Variants in TRPC7 observed in about 807,000 individuals in gnomAD.
TRPC7 encodes transient receptor potential cation channel subfamily C member 7.
In TRPC7, 42 loss-of-function variants were observed where a neutral mutation model predicts 90.1. The ratio of observed to expected loss-of-function variants is 0.47; its 90% CI spans 0.36 to 0.60. The LOEUF is 0.60. Ranked by LOEUF, TRPC7 falls within the 20% of genes least tolerant of loss-of-function variation. The pLI, the probability that TRPC7 is intolerant of heterozygous loss-of-function variation, is 0.00. For synonymous variants in TRPC7, 451 were observed against 436.3 expected (o/e 1.03, Z -0.42); for missense variants, 955 against 1,112.3 (o/e 0.86, Z 2.01).
intron 1 of TRPC7, 79 bp from the exon 2 acceptor site, chr5:136,357,464 C>T: frequency 1.5e-6 from 2 of 1,369,306 alleles, no homozygotes; most frequent in East Asian, 2.3e-5. Flanking sequence ...GGTTGAGATA[C>T]ACAAAGAATA....
intron 3 of TRPC7, among the ~76,000 whole-genome samples, chr5:136,300,504 G>A (rs1225580356): frequency 6.6e-6 from 1 of 152,190 alleles, no homozygotes; most frequent in African/African-American, 2.4e-5. Context: ...GGCTTATGGT[G>A]GTAATTTTAG....
At chr5:136,236,562 A>G (rs1438752583) in intron 7 of TRPC7, among the ~76,000 whole-genome samples, 1 of 152,198 alleles carries the variant, frequency 6.6e-6, no homozygotes, top group African/African-American at 2.4e-5. Context: ...CCCATGAGTG[A>G]TGTTGAATAG....
chr5:136,284,731 A>G (rs868762120), intron 3 of TRPC7, among the ~76,000 whole-genome samples: 1 of 152,228 alleles, frequency 6.6e-6, no homozygotes, highest in Non-Finnish European at 1.5e-5. Context: ...GTGGAGGGAC[A>G]GTGAGGAATG....
intron 7 of TRPC7, among the ~76,000 whole-genome samples, chr5:136,245,915 T>C (rs760423993): frequency 2.6e-4 from 40 of 152,272 alleles, no homozygotes; most frequent in Non-Finnish European, 4.1e-4. Context: ...GGCCAGTATA[T>C]GCCTGTGTCA....
chr5:136,267,719 C>A (rs1180201716), intron 4 of TRPC7, among the ~76,000 whole-genome samples: 1 of 152,114 alleles, frequency 6.6e-6, no homozygotes, highest in Non-Finnish European at 1.5e-5. Flanking sequence ...TGCTATAGAA[C>A]CCATTTATTA....
intron 2 of TRPC7, among the ~76,000 whole-genome samples, chr5:136,346,545 C>G (rs1760012588): frequency 6.6e-6 from 1 of 152,090 alleles, no homozygotes; most frequent in Non-Finnish European, 1.5e-5. Flanking sequence ...ACATACAACA[C>G]ACACATGTAC....
chr5:136,357,238 C>A lies in TRPC7; in HGVS notation c.150G>T (p.Ser50=), dbSNP rs761208411. 2.5e-6 allele frequency: 4 copies of A among 1,613,788 alleles called. No individual in the cohort carries two copies. Among genetic ancestry groups the A allele is most frequent in the South Asian group, 2.2e-5 (2 of 91,074 alleles). ...LTPEEERFLD[S]AEYGNIPVVR... is the part of the protein sequence containing the mutation. ...CCACCGGGATGTTGCCATACTCAGC[C>A]GAGTCCAGGAAGCGCTCCTCCTCGG... The change falls in exon 2 of 12, where the codon TCG becomes TCT. Residue 50 remains serine (S), a synonymous_variant. Coordinates refer to ENST00000513104, the MANE Select transcript of TRPC7 (RefSeq NM_020389.3).
chr5:136,255,432 A>G (rs1756657814), intron 5 of TRPC7, among the ~76,000 whole-genome samples: 2 of 152,244 alleles, frequency 1.3e-5, no homozygotes, highest in African/African-American at 4.8e-5. Context: ...GCCTTGTTGA[A>G]GGCTCAGATG....
At chr5:136,316,516 A>G (rs1759031708) in intron 2 of TRPC7, among the ~76,000 whole-genome samples, 1 of 152,208 alleles carries the variant, frequency 6.6e-6, no homozygotes, top group Non-Finnish European at 1.5e-5. Flanking sequence ...CTGTTGAATA[A>G]ACATTTTTAG....
intron 3 of TRPC7, among the ~76,000 whole-genome samples, chr5:136,301,955 A>G (rs1253485718): frequency 6.6e-6 from 1 of 152,210 alleles, no homozygotes; most frequent in Non-Finnish European, 1.5e-5. Flanking sequence ...GACCAGCCCA[A>G]GAAACATCTC....
chr5:136,357,244 C>G lies in TRPC7; in HGVS notation c.144G>C (p.Leu48=). 1 of 1,613,868 alleles carries G rather than the reference C, an allele frequency of 6.2e-7. No individual in the cohort carries two copies. The highest frequency in any genetic ancestry group is 8.5e-7 in the Non-Finnish European group (1 of 1,179,986). The change falls in exon 2 of 12, where the codon CTG becomes CTC. Residue 48 remains leucine, a synonymous_variant. Coordinates refer to ENST00000513104, the MANE Select transcript of TRPC7 (RefSeq NM_020389.3). The part of the protein sequence containing the change: ...TSLTPEEERF[L]DSAEYGNIPV... ...GGATGTTGCCATACTCAGCCGAGTC[C>G]AGGAAGCGCTCCTCCTCGGGCGTCA...
At chr5:136,359,708 T>C (rs1189237871) in intron 1 of TRPC7, among the ~76,000 whole-genome samples, 2 of 152,052 alleles carry the variant, frequency 1.3e-5, no homozygotes, top group Non-Finnish European at 2.9e-5. Flanking sequence ...AGTTACCCTA[T>C]TTGTATTCCC....
chr5:136,258,481 C>T (rs372655440), intron 5 of TRPC7, among the ~76,000 whole-genome samples: 2 of 152,254 alleles, frequency 1.3e-5, no homozygotes. Flanking sequence ...GCGCCCCCAC[C>T]CTGCTCCCTA....
intron 2 of TRPC7, among the ~76,000 whole-genome samples, chr5:136,326,891 G>A (rs181523563): frequency 9.5e-4 from 145 of 152,290 alleles, no homozygotes; most frequent in African/African-American, 3.4e-3. Flanking sequence ...GAGAGGGAAA[G>A]TGAAAAGATG....
rs764660842 is a variant in TRPC7 at position 136,251,277 on chromosome 5, C to T, written c.1579+372G>A. 4.7e-4 allele frequency among the ~76,000 whole-genome samples: 71 copies of T among 152,196 alleles called. 1 individual carries two copies. Among genetic ancestry groups the T allele is most frequent in the Admixed American group, 1.1e-3 (17 of 15,278 alleles). ...AGGGATCCAATATAGAAGGAAAATT[C>T]TTCCGCATATACATATCCCTTTAGC... On this transcript the variant is annotated intron_variant, in intron 6 of 11. Transcript: ENST00000513104.
intron 3 of TRPC7, among the ~76,000 whole-genome samples, chr5:136,292,639 G>A (rs374855902): frequency 0.086 from 13,154 of 152,092 alleles, 722 homozygotes; most frequent in Non-Finnish European, 0.13. Flanking sequence ...CTCTGAAATT[G>A]AGGCAATAAT....
At chr5:136,357,537 T>C in intron 1 of TRPC7, 152 bp from the exon 2 acceptor site, 1 of 862,582 alleles carries the variant, frequency 1.2e-6, no homozygotes, top group Non-Finnish European at 1.7e-6. Flanking sequence ...ATCATCAAGA[T>C]TCAGACACAC....
chr5:136,330,968 G>A (rs1333795896), intron 2 of TRPC7, among the ~76,000 whole-genome samples: 1 of 152,192 alleles, frequency 6.6e-6, no homozygotes, highest in Middle Eastern at 3.2e-3. Context: ...ATGGGAATGG[G>A]TGGGTAAGCA....
intron 7 of TRPC7, among the ~76,000 whole-genome samples, chr5:136,235,773 G>A (rs1393530775): frequency 6.6e-6 from 1 of 152,148 alleles, no homozygotes; most frequent in East Asian, 1.9e-4. Flanking sequence ...TTACTGATAG[G>A]AATGGCAACT....
Sources: gnomAD v4.1 joint callset for allele counts (sites outside exome capture counted in the v4.1 genomes callset) on GRCh38, gnomAD v4.1.1 for gene constraint, MANE v1.5 for transcripts, NCBI Gene and HGNC (gene_info 2026-07-23, HGNC 2026-07-21) for gene names.